Variants in RFX3 observed in about 807,000 individuals in gnomAD.
RFX3 encodes transcription factor RFX3.
In RFX3, 14 loss-of-function variants were observed where a neutral mutation model predicts 98.6. That is an observed-to-expected ratio of 0.14 (90% CI 0.09 to 0.22). The LOEUF (loss-of-function observed/expected upper bound fraction) is 0.22, where lower values mean the gene tolerates loss of function less well. Ranked by LOEUF, RFX3 falls within the 10% of genes least tolerant of loss-of-function variation. The probability of loss-of-function intolerance (pLI) is 1.00; values close to 1 mark genes in which losing one functional copy is unlikely to be tolerated. For missense variants in RFX3, 639 were observed against 926.9 expected, an observed-to-expected ratio of 0.69 and a Z score of 4.03; for synonymous variants, 383 against 328.4, an observed-to-expected ratio of 1.17 and a Z score of -1.80.
rs531965931 is a variant in RFX3, at chr9:3,386,520, G to C, written c.117+8952C>G. ...AGTCATATAAGTAGAAAGGACTAGA[G>C]CCAGGATTTGAATTTATGCCTTCCA... On this transcript the variant is annotated intron_variant, in intron 2 of 16. Transcript: ENST00000617270. Among the ~76,000 whole-genome samples the C allele has an allele frequency of 2.2e-3, 330 of 152,194 alleles. 1 individual carries two copies. The highest frequency in any genetic ancestry group is 7.6e-3 in the African/African-American group (315 of 41,556).
chr9:3,275,433 T>C, intron 9 of RFX3, 67 bp downstream of exon 9: 1 of 868,758 alleles, frequency 1.2e-6, no homozygotes, highest in Non-Finnish European at 1.9e-6. Flanking sequence ...TAAGCTTGAT[T>C]ATTTTATATT....
intron 1 of RFX3, among the ~76,000 whole-genome samples, chr9:3,433,955 G>A (rs1053817834): frequency 4.6e-5 from 7 of 152,112 alleles, no homozygotes; most frequent in African/African-American, 9.7e-5. Context: ...GCAGCCAGGC[G>A]GATTTGGCAC....
At chr9:3,399,208 G>A (rs889746858) in intron 1 of RFX3, among the ~76,000 whole-genome samples, 6 of 151,512 alleles carry the variant, frequency 4.0e-5, no homozygotes, top group Admixed American at 3.3e-4. Flanking sequence ...GCCAAGGTGG[G>A]TGAATCACCT....
intron 1 of RFX3, among the ~76,000 whole-genome samples, chr9:3,501,183 C>A (rs1815960874): frequency 6.6e-6 from 1 of 152,140 alleles, no homozygotes; most frequent in African/African-American, 2.4e-5. Flanking sequence ...TAGTAACACC[C>A]TATTACATTT....
At chr9:3,345,495 G>C (rs547048938) in intron 3 of RFX3, among the ~76,000 whole-genome samples, 1 of 152,146 alleles carries the variant, frequency 6.6e-6, no homozygotes, top group African/African-American at 2.4e-5. Context: ...AAAGAAAGAA[G>C]CCAGAGTCAA....
chr9:3,251,552 C>T (rs12004313), intron 14 of RFX3, among the ~76,000 whole-genome samples: 29,381 of 151,542 alleles, frequency 0.19, 3,863 homozygotes, highest in African/African-American at 0.38. Flanking sequence ...AGGCTGGTCT[C>T]GAACTCCTGG....
intron 3 of RFX3, among the ~76,000 whole-genome samples, chr9:3,331,254 TA>T (rs1832568356): frequency 6.6e-6 from 1 of 152,308 alleles, no homozygotes; most frequent in African/African-American, 2.4e-5. Context: ...TGTCAGTCCT[TA>T]TCTCTTGTGA....
chr9:3,352,033 T>C (rs116467639), intron 2 of RFX3, among the ~76,000 whole-genome samples: 2,599 of 152,038 alleles, frequency 0.017, 83 homozygotes, highest in African/African-American at 0.059. Flanking sequence ...AAATCTGACA[T>C]TATGAAGTGA....
intron 3 of RFX3, among the ~76,000 whole-genome samples, chr9:3,343,002 T>C (rs562933479): frequency 3.9e-4 from 60 of 152,342 alleles, no homozygotes; most frequent in South Asian, 1.0e-3. Context: ...AGTTGTTTAA[T>C]TGAAATGTAC....
chr9:3,305,013 A>G (rs1019408114), intron 4 of RFX3, among the ~76,000 whole-genome samples: 1 of 152,026 alleles, frequency 6.6e-6, no homozygotes, highest in African/African-American at 2.4e-5. Flanking sequence ...TACAAAATTC[A>G]CATTTATTTT....
intron 1 of RFX3, among the ~76,000 whole-genome samples, chr9:3,410,769 T>C (rs978783982): frequency 7.9e-5 from 12 of 152,254 alleles, no homozygotes; most frequent in Non-Finnish European, 1.6e-4. Context: ...TTACATATTA[T>C]GTTCATGCAT....
intron 1 of RFX3, among the ~76,000 whole-genome samples, chr9:3,453,911 G>C (rs1290367241): frequency 6.6e-6 from 1 of 151,784 alleles, no homozygotes; most frequent in Non-Finnish European, 1.5e-5. Context: ...TTTTGCTTTA[G>C]TTCACTGTAA....
intron 10 of RFX3, 40 bp downstream of exon 10, chr9:3,270,963 T>C: frequency 6.2e-7 from 1 of 1,613,402 alleles, no homozygotes; most frequent in Non-Finnish European, 8.5e-7. Flanking sequence ...TGACATCTAC[T>C]CAGCCATGAA....
intron 7 of RFX3, among the ~76,000 whole-genome samples, chr9:3,285,662 T>A (rs548905068): frequency 6.6e-6 from 1 of 151,830 alleles, no homozygotes; most frequent in Admixed American, 6.6e-5. Flanking sequence ...AGCAACTGTC[T>A]ATAATCCTAA....
chr9:3,461,860 TTC>T (rs1354835116), intron 1 of RFX3, among the ~76,000 whole-genome samples: 20 of 152,022 alleles, frequency 1.3e-4, no homozygotes, highest in Admixed American at 1.3e-3. Flanking sequence ...CTATTTTATT[TTC>T]TGTTTTACTT....
chr9:3,425,357 T>C (rs1023559703), intron 1 of RFX3, among the ~76,000 whole-genome samples: 1 of 152,256 alleles, frequency 6.6e-6, no homozygotes, highest in Non-Finnish European at 1.5e-5. Flanking sequence ...GTAAATTTTA[T>C]ATATCTGTAT....
intron 2 of RFX3, among the ~76,000 whole-genome samples, chr9:3,351,396 T>A (rs7860163): frequency 0.071 from 10,827 of 151,836 alleles, 476 homozygotes; most frequent in African/African-American, 0.12. Flanking sequence ...ATGCCAATAT[T>A]TATAGACTAG....
chr9:3,445,287 G>A (rs192671862), intron 1 of RFX3, among the ~76,000 whole-genome samples: 67 of 152,258 alleles, frequency 4.4e-4, no homozygotes, highest in Admixed American at 1.4e-3. Flanking sequence ...TGTTTACTAT[G>A]CAATTCTAAG....
intron 4 of RFX3, among the ~76,000 whole-genome samples, chr9:3,311,150 T>C (rs1829905424): frequency 6.6e-6 from 1 of 152,230 alleles, no homozygotes; most frequent in South Asian, 2.1e-4. Flanking sequence ...TGTTTTCCTG[T>C]GAAAACTGTA....
Sources: gnomAD v4.1 joint callset for allele counts (sites outside exome capture counted in the v4.1 genomes callset) on GRCh38, gnomAD v4.1.1 for gene constraint, MANE v1.5 for transcripts, NCBI Gene and HGNC (gene_info 2026-07-23, HGNC 2026-07-21) for gene names.